DIP2B: variants seen among roughly 807,000 people sequenced by gnomAD.
DIP2B encodes DIP2 acetate--CoA ligase B (putative).
A neutral mutation model predicts 198.0 loss-of-function variants in DIP2B; 76 were observed. The ratio of observed to expected loss-of-function variants is 0.38; its 90% CI spans 0.32 to 0.46. DIP2B has a LOEUF of 0.46. Ranked by LOEUF, DIP2B falls within the 20% of genes least tolerant of loss-of-function variation. The pLI is 0.99. For missense variants in DIP2B, 1,559 were observed against 1,978.4 expected (o/e 0.79, Z 4.02); for synonymous variants, 701 against 739.1 (o/e 0.95, Z 0.84).
At chr12:50,542,268 A>C (rs926393050) in intron 1 of DIP2B, among the ~76,000 whole-genome samples, 5 of 151,706 alleles carry the variant, frequency 3.3e-5, no homozygotes, top group Non-Finnish European at 1.5e-5. Context: ...AAAAAAAAGA[A>C]AAAAAAGAAA....
chr12:50,635,798 A>G (rs1938149947), intron 2 of DIP2B, among the ~76,000 whole-genome samples: 1 of 152,228 alleles, frequency 6.6e-6, no homozygotes, highest in African/African-American at 2.4e-5. Context: ...TACAACTTAT[A>G]TGAATTGGAG....
chr12:50,604,082 A>G (rs925324660), intron 1 of DIP2B, among the ~76,000 whole-genome samples: 1 of 152,058 alleles, frequency 6.6e-6, no homozygotes, highest in African/African-American at 2.4e-5. Context: ...GCTCCTAGAT[A>G]GTGATAGTGC....
chr12:50,552,055 A>C (rs1490366094), intron 1 of DIP2B, among the ~76,000 whole-genome samples: 2 of 152,160 alleles, frequency 1.3e-5, no homozygotes, highest in African/African-American at 4.8e-5. Context: ...CCACATCCTC[A>C]CCAACACTTG....
chr12:50,696,835 A>G (rs1939321037), intron 16 of DIP2B, among the ~76,000 whole-genome samples: 1 of 152,136 alleles, frequency 6.6e-6, no homozygotes, highest in South Asian at 2.1e-4. Flanking sequence ...CCAAGGTGTA[A>G]TTTTAAATAG....
intron 1 of DIP2B, among the ~76,000 whole-genome samples, chr12:50,546,247 C>T (rs140947816): frequency 2.0e-5 from 3 of 152,308 alleles, no homozygotes; most frequent in East Asian, 1.9e-4. Flanking sequence ...AAGTGAGAGG[C>T]GGCATGGTTT....
rs1196698969 is a variant in DIP2B, at chr12:50,718,950, T to G, written c.2962-5T>G. 1 of 1,614,184 alleles carries G rather than the reference T, an allele frequency of 6.2e-7. No individual in the cohort carries two copies. Among genetic ancestry groups the G allele is most frequent in the Admixed American group, 1.7e-5 (1 of 60,020 alleles). On this transcript the variant is annotated splice_polypyrimidine_tract_variant and splice_region_variant and intron_variant, in intron 24 of 37. Transcript: ENST00000301180. ...CTGAGTCCTTTTTCTGGTTTATGAC[T>G]TCAGCACCAGTTTCTGGCAGAGATC...
At chr12:50,575,690 A>G (rs1289001543) in intron 1 of DIP2B, among the ~76,000 whole-genome samples, 1 of 150,904 alleles carries the variant, frequency 6.6e-6, no homozygotes, top group Non-Finnish European at 1.5e-5. Flanking sequence ...GCCCTCCTTT[A>G]TTGTTTATCT....
At chr12:50,598,986 A>G in intron 1 of DIP2B, among the ~76,000 whole-genome samples, 1 of 55,364 alleles carries the variant, frequency 1.8e-5, no homozygotes, top group East Asian at 5.0e-4. Flanking sequence ...ACATATAAAC[A>G]TTAAAAAAAA....
At chr12:50,506,141 G>A (rs150299152) in intron 1 of DIP2B, among the ~76,000 whole-genome samples, 109 of 152,220 alleles carry the variant, frequency 7.2e-4, no homozygotes, top group African/African-American at 2.3e-3. Context: ...GGCTTCTGGG[G>A]CAGTTGTGAT....
At chr12:50,671,810 T>C (rs926834957) in intron 5 of DIP2B, among the ~76,000 whole-genome samples, 5 of 152,258 alleles carry the variant, frequency 3.3e-5, no homozygotes, top group African/African-American at 1.2e-4. Context: ...AAATCTATAC[T>C]GAGCCAATAT....
At chr12:50,593,485 C>T (rs938994232) in intron 1 of DIP2B, among the ~76,000 whole-genome samples, 1 of 147,474 alleles carries the variant, frequency 6.8e-6, no homozygotes, top group African/African-American at 2.5e-5. Flanking sequence ...ATCCTGCCAA[C>T]AAAACGAGAC....
Position 50,671,562 on chromosome 12 carries a change from A to G in DIP2B, c.640+164A>G, listed in dbSNP as rs181320808. On this transcript the variant is annotated intron_variant, in intron 5 of 37. Transcript: ENST00000301180. ...GAAAAGATGGAAACACCAGCAATACATTTGTCACAGGAATAATAGATAACA... is the reference window on the plus strand; with the variant it reads ...GAAAAGATGGAAACACCAGCAATACGTTTGTCACAGGAATAATAGATAACA... Among the ~76,000 whole-genome samples the G allele has an allele frequency of 2.6e-5, 4 of 152,310 alleles. No homozygotes were observed. The South Asian group carries it at 6.2e-4, about 24-fold the overall frequency.
intron 2 of DIP2B, among the ~76,000 whole-genome samples, chr12:50,631,418 G>A (rs1360360900): frequency 6.6e-6 from 1 of 151,862 alleles, no homozygotes; most frequent in Non-Finnish European, 1.5e-5. Flanking sequence ...GTAGGGACAG[G>A]GTTTCACCAT....
At chr12:50,562,733 T>G (rs1463790786) in intron 1 of DIP2B, among the ~76,000 whole-genome samples, 2 of 147,250 alleles carry the variant, frequency 1.4e-5, no homozygotes, top group Non-Finnish European at 3.0e-5. Flanking sequence ...TGACCCTGAC[T>G]CAGAAAAAAA....
intron 1 of DIP2B, among the ~76,000 whole-genome samples, chr12:50,589,389 G>A (rs1264753387): frequency 6.6e-6 from 1 of 151,622 alleles, no homozygotes; most frequent in African/African-American, 2.4e-5. Flanking sequence ...TAGAGAGGGG[G>A]TTTCACCATG....
intron 2 of DIP2B, 131 bp from the exon 3 acceptor site, chr12:50,640,593 A>G: frequency 1.1e-6 from 1 of 916,650 alleles, no homozygotes; most frequent in South Asian, 1.9e-5. Flanking sequence ...ATTTATATTG[A>G]AACTCTAACC....
intron 1 of DIP2B, among the ~76,000 whole-genome samples, chr12:50,549,170 TA>T (rs780278216): frequency 0.023 from 3,103 of 137,194 alleles, 59 homozygotes; most frequent in African/African-American, 0.057. Flanking sequence ...GGGGCTGGTT[TA>T]AAAAAAAAAA....
intron 1 of DIP2B, among the ~76,000 whole-genome samples, chr12:50,577,034 G>A (rs1209243054): frequency 6.6e-6 from 1 of 151,258 alleles, no homozygotes; most frequent in Non-Finnish European, 1.5e-5. Context: ...TTTAGTAGAG[G>A]GGGCTTTCAC....
At position 50,691,095 on chromosome 12, in the gene DIP2B, G is replaced by A. The variant is rs775500081; in HGVS notation, c.1598G>A (p.Arg533Gln). 11 of 1,613,804 alleles carry A rather than the reference G, an allele frequency of 6.8e-6. No homozygotes were observed. Among genetic ancestry groups the A allele is most frequent in the African/African-American group, 2.7e-5 (2 of 74,816 alleles). ...EGSVMGVTVS[R>Q]LAMLSHCQAL... ...AGTGTAATGGGAGTTACAGTATCCC[G>A]GCTTGCAATGTTGTCTCACTGCCAA... Residue 533 changes from arginine (R) to glutamine (Q), a missense_variant, in exon 13 of 38, where the codon CGG (arginine) becomes CAG (glutamine). Coordinates refer to ENST00000301180, the MANE Select transcript of DIP2B (RefSeq NM_173602.3).
Sources: gnomAD v4.1 joint callset for allele counts (sites outside exome capture counted in the v4.1 genomes callset) on GRCh38, gnomAD v4.1.1 for gene constraint, MANE v1.5 for transcripts, NCBI Gene and HGNC (gene_info 2026-07-23, HGNC 2026-07-21) for gene names.